ERBIN: variants seen among roughly 807,000 people sequenced by gnomAD.
ERBIN encodes the protein densin-180-like protein.
ERBIN carries 60 observed loss-of-function variants against 158.4 expected under a neutral mutation model. The ratio of observed to expected loss-of-function variants is 0.38; its 90% CI spans 0.31 to 0.47. The LOEUF is 0.47. ERBIN is among the 20% of genes least tolerant of loss of function. The pLI is 0.99. For synonymous variants in ERBIN, 594 were observed against 557.2 expected, an observed-to-expected ratio of 1.07 and a Z score of -0.93; for missense variants, 1,610 against 1,648.0, an observed-to-expected ratio of 0.98 and a Z score of 0.40.
intron 1 of ERBIN, among the ~76,000 whole-genome samples, chr5:65,937,842 G>A (rs554078214): frequency 6.6e-6 from 1 of 152,276 alleles, no homozygotes; most frequent in African/African-American, 2.4e-5. Context: ...CCGGGAGGCG[G>A]AGCTTGTAGT....
At chr5:65,967,275 T>G (rs1389550845) in intron 1 of ERBIN, among the ~76,000 whole-genome samples, 1 of 152,172 alleles carries the variant, frequency 6.6e-6, no homozygotes, top group African/African-American at 2.4e-5. Context: ...AGCCTAAGTG[T>G]TTATAAAGTC....
Position 66,025,640 on chromosome 5 carries a change from C to T in ERBIN, c.890+88C>T, listed in dbSNP as rs944213939. 4.5e-6 allele frequency: 5 copies of T among 1,103,722 alleles called. No individual in the cohort carries two copies. In the East Asian group the frequency reaches 7.1e-5, roughly 16 times the overall value. The allele number at this position is 1,103,722 out of a possible 1,614,324, so 68.4% of individuals were successfully genotyped here. ...TATTTTCAGGTATTTGCATAAATGACCTAAAGATTTTGTAAACATTTAAGT... is the reference window on the plus strand; with the variant it reads ...TATTTTCAGGTATTTGCATAAATGATCTAAAGATTTTGTAAACATTTAAGT... On this transcript the variant is annotated intron_variant, in intron 11 of 25. Transcript: ENST00000284037.
At chr5:66,071,972 C>A (rs1761573952) in intron 21 of ERBIN, among the ~76,000 whole-genome samples, 197 bp from the exon 22 acceptor site, 1 of 151,958 alleles carries the variant, frequency 6.6e-6, no homozygotes, top group African/African-American at 2.4e-5. Flanking sequence ...TTCATACATA[C>A]AAAAATATCT....
At chr5:65,948,052 T>TTGTTTATGTAAGAGCTATTC in intron 1 of ERBIN, among the ~76,000 whole-genome samples, 1 of 151,686 alleles carries the variant, frequency 6.6e-6, no homozygotes, top group South Asian at 2.1e-4. Flanking sequence ...AATGTGCACA[T>TTGTTTATGTAAGAGCTATTC]TGTTTATGTA....
chr5:66,055,055 C>G, intron 21 of ERBIN, 104 bp downstream of exon 21: 1 of 1,431,062 alleles, frequency 7.0e-7, no homozygotes, highest in Non-Finnish European at 9.1e-7. Flanking sequence ...TCTTTATATT[C>G]TAGGTGTTTT....
At position 66,053,526 on chromosome 5, in the gene ERBIN, T is replaced by C; in HGVS notation, c.2208T>C (p.Asn736=). 6.2e-7 allele frequency: 1 copy of C among 1,611,126 alleles called. No individual in the cohort carries two copies. Among genetic ancestry groups the C allele is most frequent in the Non-Finnish European group, 8.5e-7 (1 of 1,179,184 alleles). Residue 736 remains asparagine (N), a synonymous_variant, in exon 21 of 26, where the codon AAT becomes AAC. Coordinates refer to ENST00000284037, the MANE Select transcript of ERBIN (RefSeq NM_001253697.2). The part of the protein sequence containing the change: ...KDFNLPEYDL[N]VEERLVLIEK... ...TTAACTTACCTGAATATGATTTGAA[T>C]GTTGAAGAGCGATTAGTTCTAATTG... is the stretch of plus-strand genomic sequence containing the variant.
chr5:65,979,117 T>A (rs1465906794), intron 1 of ERBIN, among the ~76,000 whole-genome samples: 1 of 152,100 alleles, frequency 6.6e-6, no homozygotes, highest in Admixed American at 6.6e-5. Flanking sequence ...TTGCACTCCC[T>A]GGGAAATAAC....
intron 22 of ERBIN, among the ~76,000 whole-genome samples, chr5:66,072,505 ATTATT>A (rs891719601): frequency 4.6e-5 from 7 of 152,162 alleles, no homozygotes; most frequent in South Asian, 2.1e-4. Flanking sequence ...ACCCTGGAGA[ATTATT>A]TTATTTTTGC....
chr5:66,075,246 A>T lies in ERBIN; in HGVS notation c.3963+16A>T. On this transcript the variant is annotated intron_variant, in intron 23 of 25. Coordinates refer to ENST00000284037, the MANE Select transcript of ERBIN (RefSeq NM_001253697.2). ...AAAACAAGAGGTAAGAATAATCAAG[A>T]CTATTTGAAATATGGGACTAAGCTT... 1 of 1,598,600 alleles carries T rather than the reference A, an allele frequency of 6.3e-7. No homozygotes were observed. The highest frequency in any genetic ancestry group is 1.7e-5 in the Admixed American group (1 of 59,984).
intron 1 of ERBIN, among the ~76,000 whole-genome samples, chr5:65,948,557 G>T (rs1746088496): frequency 6.6e-6 from 1 of 151,950 alleles, no homozygotes; most frequent in Admixed American, 6.6e-5. Flanking sequence ...ATATGTGAGG[G>T]TAGGCTAATG....
intron 21 of ERBIN, among the ~76,000 whole-genome samples, chr5:66,071,303 A>C (rs1194628402): frequency 6.6e-6 from 1 of 152,152 alleles, no homozygotes; most frequent in Non-Finnish European, 1.5e-5. Flanking sequence ...CAGGAAGTCG[A>C]GGCTGCGGTG....
At chr5:65,967,915 G>T (rs1748842653) in intron 1 of ERBIN, among the ~76,000 whole-genome samples, 1 of 152,190 alleles carries the variant, frequency 6.6e-6, no homozygotes, top group South Asian at 2.1e-4. Context: ...TGACTTCTCG[G>T]TAAGACTTGA....
chr5:65,986,542 G>A (rs1326073926), intron 1 of ERBIN, among the ~76,000 whole-genome samples: 5 of 152,206 alleles, frequency 3.3e-5, no homozygotes, highest in African/African-American at 1.2e-4. Context: ...ATAGTTTGAT[G>A]TATTTAGGGC....
At chr5:66,038,563 C>A in intron 15 of ERBIN, 81 bp downstream of exon 15, 1 of 1,058,652 alleles carries the variant, frequency 9.4e-7, no homozygotes, top group Non-Finnish European at 1.4e-6. Context: ...GTCTCAGAGA[C>A]TTTTACCAGT....
At chr5:65,930,581 T>C (rs1350326219) in intron 1 of ERBIN, among the ~76,000 whole-genome samples, 1 of 152,246 alleles carries the variant, frequency 6.6e-6, no homozygotes, top group Non-Finnish European at 1.5e-5. Flanking sequence ...GTGCTGGGAT[T>C]ACAGGCATGA....
chr5:66,004,849 C>T (rs1182957876), intron 4 of ERBIN, among the ~76,000 whole-genome samples: 1 of 152,092 alleles, frequency 6.6e-6, no homozygotes, highest in African/African-American at 2.4e-5. Flanking sequence ...AAGGTGTGAG[C>T]GTCTATAGCA....
intron 25 of ERBIN, among the ~76,000 whole-genome samples, chr5:66,077,167 A>G (rs1762063475): frequency 6.6e-6 from 1 of 151,858 alleles, no homozygotes; most frequent in Non-Finnish European, 1.5e-5. Context: ...AAAAAAAAAA[A>G]AAGTTTGATA....
chr5:66,029,264 G>A lies in ERBIN; in HGVS notation c.1206+921G>A, dbSNP rs369735787. ...CACCAACAGTGTGTAAGGATTCCTT[G>A]TAAGTTTTTCTAACAAAATAGAATG... is the stretch of plus-strand genomic sequence containing the variant. On this transcript the variant is annotated intron_variant, in intron 14 of 25. Coordinates refer to ENST00000284037, the MANE Select transcript of ERBIN (RefSeq NM_001253697.2). 1.4e-4 allele frequency among the ~76,000 whole-genome samples: 21 copies of A among 152,258 alleles called. No individual in the cohort carries two copies. In the East Asian group the frequency reaches 2.3e-3, roughly 17 times the overall value.
chr5:66,006,836 TGAG>T (rs914911839), intron 4 of ERBIN, among the ~76,000 whole-genome samples: 15 of 151,810 alleles, frequency 9.9e-5, no homozygotes, highest in Admixed American at 3.9e-4. Flanking sequence ...AAAACCACAA[TGAG>T]ATACCATCTC....
Sources: gnomAD v4.1 joint callset for allele counts (sites outside exome capture counted in the v4.1 genomes callset) on GRCh38, gnomAD v4.1.1 for gene constraint, MANE v1.5 for transcripts, NCBI Gene and HGNC (gene_info 2026-07-23, HGNC 2026-07-21) for gene names.